Variants in GNG5 observed in about 807,000 individuals in gnomAD.
GNG5 encodes G protein subunit gamma 5, also known as guanine nucleotide-binding protein G(I)/G(S)/G(O) subunit gamma-5.
GNG5 carries 2 observed loss-of-function variants against 6.2 expected under a neutral mutation model. That is an observed-to-expected ratio of 0.32 (90% CI 0.13 to 1.01). The LOEUF is 1.01. Ranked by LOEUF, GNG5 falls within the 50% of genes least tolerant of loss-of-function variation. The pLI, the probability that GNG5 is intolerant of heterozygous loss-of-function variation, is 0.48. For synonymous variants in GNG5, 24 were observed against 33.0 expected (o/e 0.73, Z 0.93); for missense variants, 57 against 80.2 (o/e 0.71, Z 1.10).
rs138367783 is a variant in GNG5 at position 84,501,153 on chromosome 1, TTTAA to T, written c.*19+669_*19+672del. Among the ~76,000 whole-genome samples the T allele has an allele frequency of 2.9e-4, 44 of 152,324 alleles. No individual in the cohort carries two copies. The East Asian group carries it at 6.8e-3, about 23-fold the overall frequency. On this transcript the variant is annotated intron_variant, in intron 3 of 3. Transcript: ENST00000370645. ...AATAAAGCCAACAGGGTCTTTAGTTTTTAATTCTCTGAAATTCAGTCCACTGTCT... is the reference window on the plus strand; with the variant it reads ...AATAAAGCCAACAGGGTCTTTAGTTTTTCTCTGAAATTCAGTCCACTGTCT...
chr1:84,501,726 A>G, intron 3 of GNG5, 100 bp downstream of exon 3: 1 of 707,406 alleles, frequency 1.4e-6, no homozygotes, highest in Non-Finnish European at 2.4e-6. Flanking sequence ...ATGGAGGGCC[A>G]AAGGAAAGGG....
intron 3 of GNG5, among the ~76,000 whole-genome samples, chr1:84,500,099 A>G (rs1291761463): frequency 6.6e-6 from 1 of 152,226 alleles, no homozygotes; most frequent in African/African-American, 2.4e-5. Context: ...ACTCCAATGT[A>G]GATTCTTTAC....
intron 3 of GNG5, among the ~76,000 whole-genome samples, chr1:84,499,257 C>T (rs1682003794): frequency 6.6e-6 from 1 of 152,082 alleles, no homozygotes. Context: ...CTGAGATAGT[C>T]TGTGACAAAA....
In GNG5 at chr1:84,498,370, A is replaced by AAAAC. The variant is rs1681983163; in HGVS notation, c.*194_*197dup. ...ATTGTATGCTGCTGCCAGTGTATATAAAACAATTACCCTTGTGAAATAGAA... is the reference window on the plus strand; with the variant it reads ...ATTGTATGCTGCTGCCAGTGTATATAAAACAAACAATTACCCTTGTGAAATAGAA... On this transcript the variant is annotated 3_prime_UTR_variant, in exon 4 of 4. Coordinates refer to ENST00000370645, the MANE Select transcript of GNG5 (RefSeq NM_005274.3). 6.5e-6 allele frequency: 1 copy of AAAAC among 152,686 alleles called. No homozygotes were observed. Among genetic ancestry groups the AAAAC allele is most frequent in the Non-Finnish European group, 1.5e-5 (1 of 68,032 alleles). The allele number at this position is 152,686 out of a possible 1,614,324, so 9.5% of individuals were successfully genotyped here.
rs748481596 is a variant in GNG5 at position 84,502,016 on chromosome 1, T to C, written c.82-46A>G. The C allele has an allele frequency of 2.7e-6, 4 of 1,501,428 alleles. No individual in the cohort carries two copies. In the Admixed American group the frequency reaches 5.2e-5, roughly 19 times the overall value. 93.0% of individuals were successfully genotyped at this position (1,501,428 alleles called of 1,614,324 possible). A position where few individuals can be genotyped will look rare whatever the true frequency, so the allele number is the denominator to read the frequency against. On this transcript the variant is annotated intron_variant, in intron 2 of 3. Coordinates refer to ENST00000370645, the MANE Select transcript of GNG5 (RefSeq NM_005274.3). Reference sequence around the variant, plus strand: ...GGGAAGTGCCAGATGGTGAGAACATTTTAATGAAGGTTTTCTCAATCTTTG... The same window carrying C: ...GGGAAGTGCCAGATGGTGAGAACATCTTAATGAAGGTTTTCTCAATCTTTG...
At chr1:84,503,004 T>C (rs1682087943) in intron 2 of GNG5, among the ~76,000 whole-genome samples, 1 of 152,236 alleles carries the variant, frequency 6.6e-6, no homozygotes, top group Non-Finnish European at 1.5e-5. Flanking sequence ...TTAAATCATA[T>C]TTAAGGCAAT....
Position 84,506,234 on chromosome 1 carries a change from A to C in GNG5, c.-143T>G. ...TTCCGGTTCTGTGCTCAGCGGCTCC[A>C]CCCTCGGTGCGCATGCGCGCCTTGC... On this transcript the variant is annotated 5_prime_UTR_variant, in exon 2 of 4. Coordinates refer to ENST00000370645, the MANE Select transcript of GNG5 (RefSeq NM_005274.3). 1 of 563,712 alleles carries C rather than the reference A, an allele frequency of 1.8e-6. No homozygotes were observed. The highest frequency in any genetic ancestry group is 3.4e-5 in the South Asian group (1 of 29,522). 34.9% of individuals were successfully genotyped at this position (563,712 alleles called of 1,614,324 possible).
In GNG5 at chr1:84,501,895, A is replaced by T; in HGVS notation, c.157T>A (p.Ser53Thr). 1 of 1,605,738 alleles carries T rather than the reference A, an allele frequency of 6.2e-7. No homozygotes were observed. Among genetic ancestry groups the T allele is most frequent in the Non-Finnish European group, 8.5e-7 (1 of 1,172,370 alleles). ...AQHDPLLTGV[S>T]SSTNPFRPQK... ...GGTCTGAAGGGATTTGTACTTGAAGATACTCCAGTCAGCAGAGGGTCATGT... is the reference window on the plus strand; with the variant it reads ...GGTCTGAAGGGATTTGTACTTGAAGTTACTCCAGTCAGCAGAGGGTCATGT... The change falls in exon 3 of 4, where the codon TCT becomes ACT. Residue 53 changes from serine to threonine, a missense_variant. By Grantham distance (58) the Ser-to-Thr change is moderately conservative. Coordinates refer to ENST00000370645, the MANE Select transcript of GNG5 (RefSeq NM_005274.3).
At chr1:84,499,619 A>AT (rs1319402552) in intron 3 of GNG5, among the ~76,000 whole-genome samples, 3 of 152,236 alleles carry the variant, frequency 2.0e-5, no homozygotes, top group Admixed American at 1.3e-4. Context: ...AGAGTATTTA[A>AT]TGAAATAAAT....
intron 2 of GNG5, among the ~76,000 whole-genome samples, chr1:84,505,739 C>T (rs570368850): frequency 6.6e-6 from 1 of 152,218 alleles, no homozygotes; most frequent in Admixed American, 6.5e-5. Flanking sequence ...GGAGGAGGAC[C>T]GGAATGTCGG....
rs1250994033 is a variant in GNG5 at position 84,506,312 on chromosome 1, G to C, written c.-210-11C>G. On this transcript the variant is annotated splice_polypyrimidine_tract_variant and intron_variant, in intron 1 of 3. Transcript: ENST00000370645. ...GCCCCGAGCGCGAGCCTGGAGGAGGGGGAGGAGAAGGGGCGGAGCAGTCGG... is the reference window on the plus strand; with the variant it reads ...GCCCCGAGCGCGAGCCTGGAGGAGGCGGAGGAGAAGGGGCGGAGCAGTCGG... 2.5e-6 allele frequency: 1 copy of C among 406,288 alleles called. No individual in the cohort carries two copies. The highest frequency in any genetic ancestry group is 4.1e-5 in the East Asian group (1 of 24,430). 25.2% of individuals were successfully genotyped at this position (406,288 alleles called of 1,614,324 possible).
At chr1:84,502,063 A>T in intron 2 of GNG5, 93 bp from the exon 3 acceptor site, 8 of 879,592 alleles carry the variant, frequency 9.1e-6, no homozygotes, top group Non-Finnish European at 1.5e-5. Context: ...CTTACAATAA[A>T]ACAGTACTTC....
intron 3 of GNG5, among the ~76,000 whole-genome samples, chr1:84,500,158 G>A (rs573335113): frequency 6.6e-6 from 1 of 152,042 alleles, no homozygotes; most frequent in African/African-American, 2.4e-5. Flanking sequence ...CAGTGTAGGT[G>A]GGCAGTTGTA....
intron 2 of GNG5, 74 bp downstream of exon 2, chr1:84,505,937 C>A: frequency 9.2e-7 from 1 of 1,091,512 alleles, no homozygotes; most frequent in Non-Finnish European, 1.2e-6. Context: ...CCCGCCCGCC[C>A]CCGCCAGCTG....
intron 3 of GNG5, among the ~76,000 whole-genome samples, chr1:84,500,150 G>A (rs1369216322): frequency 6.6e-6 from 1 of 151,856 alleles, no homozygotes; most frequent in South Asian, 2.1e-4. Flanking sequence ...GTCAGCATCA[G>A]TGTAGGTGGG....
intron 3 of GNG5, 87 bp downstream of exon 3, chr1:84,501,739 T>G: frequency 1.3e-6 from 1 of 799,678 alleles, no homozygotes; most frequent in Non-Finnish European, 2.1e-6. Context: ...GGAAAGGGCA[T>G]GGGATGATCT....
At chr1:84,500,143 A>G (rs962858300) in intron 3 of GNG5, among the ~76,000 whole-genome samples, 1 of 151,982 alleles carries the variant, frequency 6.6e-6, no homozygotes, top group African/African-American at 2.4e-5. Context: ...CAGTACTGTC[A>G]GCATCAGTGT....
intron 2 of GNG5, among the ~76,000 whole-genome samples, chr1:84,505,201 T>G (rs1533374): frequency 6.6e-6 from 1 of 152,028 alleles, no homozygotes; most frequent in Non-Finnish European, 1.5e-5. Flanking sequence ...AGCACTTGAA[T>G]GTCAAGTTAT....
intron 2 of GNG5, among the ~76,000 whole-genome samples, chr1:84,502,444 A>T (rs886276630): frequency 2.0e-5 from 3 of 152,190 alleles, no homozygotes; most frequent in Non-Finnish European, 2.9e-5. Flanking sequence ...GTGAGCTCTT[A>T]ATACTTAAAA....
Sources: allele counts gnomAD v4.1 joint callset (sites outside exome capture counted in the v4.1 genomes callset), GRCh38; gene constraint gnomAD v4.1.1; transcripts MANE v1.5; gene names NCBI Gene and HGNC (gene_info 2026-07-23, HGNC 2026-07-21).